The following RPTOR variants were observed in gnomAD, a reference collection of about 807,000 sequenced individuals.
The protein encoded by RPTOR is regulatory-associated protein of mTOR.
In RPTOR, 21 loss-of-function variants were observed where a neutral mutation model predicts 169.9. That is an observed-to-expected ratio of 0.12 (90% CI 0.09 to 0.18). The LOEUF (loss-of-function observed/expected upper bound fraction) is 0.18. Ranked by LOEUF, RPTOR falls within the 10% of genes least tolerant of loss-of-function variation. The pLI, the probability that RPTOR is intolerant of heterozygous loss-of-function variation, is 1.00. For synonymous variants in RPTOR, 732 were observed against 753.2 expected, an observed-to-expected ratio of 0.97 and a Z score of 0.46; for missense variants, 1,133 against 1,855.9, an observed-to-expected ratio of 0.61 and a Z score of 7.16.
chr17:80,949,374 A>T, intron 27 of RPTOR, 69 bp from the exon 28 acceptor site: 2 of 1,320,882 alleles, frequency 1.5e-6, no homozygotes, highest in Non-Finnish European at 2.2e-6. Flanking sequence ...GGCTCTTACC[A>T]CCACGCACAG....
intron 8 of RPTOR, 36 bp downstream of exon 8, chr17:80,822,337 T>C: frequency 6.3e-7 from 1 of 1,589,792 alleles, no homozygotes; most frequent in Non-Finnish European, 8.6e-7. Flanking sequence ...AGGGAGGCTA[T>C]GGCCTTGAGT....
At chr17:80,742,343 A>G (rs544181772) in intron 5 of RPTOR, among the ~76,000 whole-genome samples, 1 of 152,250 alleles carries the variant, frequency 6.6e-6, no homozygotes, top group African/African-American at 2.4e-5. Context: ...GAGGCGGAGC[A>G]TCGACGGTGG....
intron 6 of RPTOR, among the ~76,000 whole-genome samples, chr17:80,785,748 A>G (rs951699900): frequency 6.6e-6 from 1 of 152,164 alleles, no homozygotes; most frequent in African/African-American, 2.4e-5. Flanking sequence ...ATCAGCTCTC[A>G]CAGTGACAAT....
intron 3 of RPTOR, among the ~76,000 whole-genome samples, chr17:80,670,788 C>T (rs1221685166): frequency 6.6e-6 from 1 of 152,192 alleles, no homozygotes; most frequent in Non-Finnish European, 1.5e-5. Context: ...CCTTGATAAT[C>T]AGCCCCCCAA....
At chr17:80,717,843 C>T (rs1210184303) in intron 4 of RPTOR, among the ~76,000 whole-genome samples, 1 of 152,250 alleles carries the variant, frequency 6.6e-6, no homozygotes, top group Non-Finnish European at 1.5e-5. Flanking sequence ...ATGCACCGCC[C>T]TCCCTTGCAT....
At chr17:80,864,331 G>A (rs4969223) in intron 13 of RPTOR, among the ~76,000 whole-genome samples, 7,161 of 107,752 alleles carry the variant, frequency 0.066, 234 homozygotes, top group African/African-American at 0.1. Flanking sequence ...AGTGACGGCA[G>A]GTTTCTTCTT....
At chr17:80,582,771 C>T (rs2065025433) in intron 1 of RPTOR, among the ~76,000 whole-genome samples, 1 of 151,694 alleles carries the variant, frequency 6.6e-6, no homozygotes, top group Non-Finnish European at 1.5e-5. Context: ...GTCTCGATCT[C>T]TTGACCTCGT....
At chr17:80,693,301 C>T (rs1403888262) in intron 3 of RPTOR, among the ~76,000 whole-genome samples, 1 of 152,232 alleles carries the variant, frequency 6.6e-6, no homozygotes, top group African/African-American at 2.4e-5. Flanking sequence ...CCGAGCCTGT[C>T]TGCAGACAAC....
chr17:80,632,583 A>G (rs1201015737), intron 2 of RPTOR, among the ~76,000 whole-genome samples: 27 of 152,190 alleles, frequency 1.8e-4, no homozygotes, highest in Admixed American at 1.7e-3. Flanking sequence ...AATATCGTCT[A>G]CTTTCTAATA....
chr17:80,704,956 A>T, intron 3 of RPTOR, among the ~76,000 whole-genome samples: 1 of 152,254 alleles, frequency 6.6e-6, no homozygotes, highest in Non-Finnish European at 1.5e-5. Flanking sequence ...CTCCTCCAGA[A>T]CATGTGGGTC....
intron 9 of RPTOR, among the ~76,000 whole-genome samples, chr17:80,826,985 AGGG>A (rs1218888290): frequency 2.6e-5 from 4 of 152,226 alleles, no homozygotes; most frequent in Non-Finnish European, 5.9e-5. Context: ...GTGAGCATGA[AGGG>A]AGCTTTAGTC....
chr17:80,826,206 C>T (rs749070980), intron 9 of RPTOR, among the ~76,000 whole-genome samples: 13 of 152,204 alleles, frequency 8.5e-5, no homozygotes, highest in Non-Finnish European at 7.3e-5. Context: ...CTCACAGTGT[C>T]TTGCTGTAAG....
At chr17:80,796,812 C>T (rs533626994) in intron 7 of RPTOR, among the ~76,000 whole-genome samples, 18 of 152,340 alleles carry the variant, frequency 1.2e-4, no homozygotes, top group South Asian at 2.1e-4. Context: ...GGTGAACTCC[C>T]GTGGTGCCTC....
intron 24 of RPTOR, among the ~76,000 whole-genome samples, chr17:80,929,430 C>T (rs1237633102): frequency 6.6e-6 from 1 of 151,380 alleles, no homozygotes; most frequent in East Asian, 1.9e-4. Flanking sequence ...TTAGAAAGAA[C>T]AGTTATTAGT....
At chr17:80,603,236 G>T (rs963553830) in intron 1 of RPTOR, among the ~76,000 whole-genome samples, 6 of 152,186 alleles carry the variant, frequency 3.9e-5, no homozygotes, top group African/African-American at 1.4e-4. Context: ...AATTTATCTT[G>T]TTGTCAAACC....
At chr17:80,931,898 G>GC (rs1201125220) in intron 24 of RPTOR, among the ~76,000 whole-genome samples, 1 of 132,654 alleles carries the variant, frequency 7.5e-6, no homozygotes, top group African/African-American at 2.8e-5. Flanking sequence ...AGAGAGAGAA[G>GC]CCCCCCAAGG....
At position 80,646,263 on chromosome 17, in the gene RPTOR, A is replaced by G. The variant is rs62068358; in HGVS notation, c.348+2453A>G. ...TAAAAATGTTTAAAAATTTCCTGCT[A>G]CTATCCATGAGCGGGCCTCATCTAT... On this transcript the variant is annotated intron_variant, in intron 3 of 33. Coordinates refer to ENST00000306801, the MANE Select transcript of RPTOR (RefSeq NM_020761.3). This position sits in a 1 kb window ranked among gnomAD's most constrained non-coding sequence, Gnocchi z 5.0. Among the ~76,000 whole-genome samples, 12,250 of 152,280 alleles carry G rather than the reference A, an allele frequency of 0.08. 510 individuals carry two copies. The highest frequency in any genetic ancestry group is 0.1 in the African/African-American group (4,248 of 41,556).
intron 25 of RPTOR, among the ~76,000 whole-genome samples, chr17:80,943,090 A>G (rs945373186): frequency 6.6e-6 from 1 of 152,240 alleles, no homozygotes; most frequent in African/African-American, 2.4e-5. Flanking sequence ...TGTTGGAAAC[A>G]GTAGCTCACC....
At chr17:80,894,693 T>C (rs7503016) in intron 20 of RPTOR, among the ~76,000 whole-genome samples, 111,878 of 152,132 alleles carry the variant, frequency 0.74, 41,466 homozygotes, top group Admixed American at 0.79. Context: ...ACCGGCTTCA[T>C]TTGAATTTTT....
Sources: gnomAD v4.1 joint callset for allele counts (sites outside exome capture counted in the v4.1 genomes callset) on GRCh38, gnomAD v4.1.1 for gene constraint, Gnocchi (gnomAD v3.1) non-coding constraint, MANE v1.5 for transcripts, NCBI Gene and HGNC (gene_info 2026-07-23, HGNC 2026-07-21) for gene names.